The following CHST9 variants were observed in gnomAD, a reference collection of about 807,000 sequenced individuals.
The protein encoded by CHST9 is carbohydrate sulfotransferase 9.
CHST9 carries 41 observed loss-of-function variants against 44.4 expected under a neutral mutation model. The observed-to-expected ratio is 0.92, with a 90% CI of 0.72 to 1.20. The LOEUF is 1.20. Among genes scored for constraint, CHST9 ranks in the 50% most tolerant of loss-of-function variants. CHST9 has a pLI of 0.00. For missense variants in CHST9, 504 were observed against 516.5 expected, an observed-to-expected ratio of 0.98 and a Z score of 0.23; for synonymous variants, 171 against 178.4, an observed-to-expected ratio of 0.96 and a Z score of 0.33.
At chr18:26,988,732 A>G (rs74935484) in intron 4 of CHST9, among the ~76,000 whole-genome samples, 2,938 of 152,306 alleles carry the variant, frequency 0.019, 110 homozygotes, top group African/African-American at 0.067. Context: ...CAATAGGATA[A>G]TACACACTTT....
At chr18:26,961,021 T>C (rs2056392062) in intron 4 of CHST9, among the ~76,000 whole-genome samples, 1 of 152,218 alleles carries the variant, frequency 6.6e-6, no homozygotes, top group Non-Finnish European at 1.5e-5. Flanking sequence ...CATCGATACA[T>C]TCTTCACTCA....
At chr18:26,957,865 ATTTC>A (rs570819780) in intron 4 of CHST9, among the ~76,000 whole-genome samples, 75 of 151,916 alleles carry the variant, frequency 4.9e-4, no homozygotes, top group African/African-American at 1.6e-3. Context: ...CATTCTACTT[ATTTC>A]TTTCTTTCTT....
At chr18:27,003,746 A>G (rs897220738) in intron 4 of CHST9, among the ~76,000 whole-genome samples, 3 of 152,172 alleles carry the variant, frequency 2.0e-5, no homozygotes, top group Non-Finnish European at 4.4e-5. Context: ...TATCACATGG[A>G]CAAAAACAAG....
At chr18:27,062,621 A>G (rs1025667408) in intron 2 of CHST9, among the ~76,000 whole-genome samples, 1 of 152,154 alleles carries the variant, frequency 6.6e-6, no homozygotes. Flanking sequence ...CAATAAACAC[A>G]CGTATGCATG....
At chr18:27,034,258 A>G (rs777267695) in intron 3 of CHST9, among the ~76,000 whole-genome samples, 1 of 152,078 alleles carries the variant, frequency 6.6e-6, no homozygotes, top group Non-Finnish European at 1.5e-5. Flanking sequence ...CTGTTTTCGT[A>G]TCCTTCCACA....
At chr18:26,965,799 C>G (rs903575004) in intron 4 of CHST9, among the ~76,000 whole-genome samples, 1 of 152,160 alleles carries the variant, frequency 6.6e-6, no homozygotes, top group Non-Finnish European at 1.5e-5. Flanking sequence ...GCTGAATAAA[C>G]TCACAGAGAT....
chr18:26,940,115 T>C (rs2056061004), intron 5 of CHST9, among the ~76,000 whole-genome samples: 1 of 152,296 alleles, frequency 6.6e-6, no homozygotes, highest in Non-Finnish European at 1.5e-5. Flanking sequence ...GATTTCACTC[T>C]TTTTTTGGTC....
At chr18:27,129,753 A>G (rs990295675) in intron 2 of CHST9, among the ~76,000 whole-genome samples, 2 of 152,172 alleles carry the variant, frequency 1.3e-5, no homozygotes, top group African/African-American at 2.4e-5. Flanking sequence ...ATTGTTCCAA[A>G]GACATTGGTT....
chr18:26,996,003 T>A (rs1306878071), intron 4 of CHST9, among the ~76,000 whole-genome samples: 1 of 152,206 alleles, frequency 6.6e-6, no homozygotes, highest in Non-Finnish European at 1.5e-5. Context: ...TAATATGAAA[T>A]GCCCGTCTGG....
chr18:27,100,962 A>C (rs2143749587), intron 2 of CHST9, among the ~76,000 whole-genome samples: 1 of 152,312 alleles, frequency 6.6e-6, no homozygotes, highest in East Asian at 1.9e-4. Context: ...TTATCAGCCA[A>C]GTCAGTTACA....
chr18:26,960,356 T>A (rs569484925), intron 4 of CHST9, among the ~76,000 whole-genome samples: 1 of 152,340 alleles, frequency 6.6e-6, no homozygotes, highest in South Asian at 2.1e-4. Flanking sequence ...TTTTACATCA[T>A]CCATAGTGAA....
intron 4 of CHST9, among the ~76,000 whole-genome samples, chr18:26,993,222 G>A (rs371555297): frequency 6.2e-4 from 94 of 152,296 alleles, no homozygotes; most frequent in African/African-American, 2.1e-3. Flanking sequence ...AGCATGGCAG[G>A]TGTTAAATCT....
intron 2 of CHST9, among the ~76,000 whole-genome samples, chr18:27,133,584 A>G (rs2058489942): frequency 6.6e-6 from 1 of 152,192 alleles, no homozygotes; most frequent in South Asian, 2.1e-4. Flanking sequence ...TGACCAAAAT[A>G]CAAGTTTCCT....
At chr18:27,073,993 T>C (rs1049888441) in intron 2 of CHST9, among the ~76,000 whole-genome samples, 24 of 152,260 alleles carry the variant, frequency 1.6e-4, no homozygotes, top group African/African-American at 5.5e-4. Flanking sequence ...CTTTGATAAG[T>C]AGCAACAAAG....
chr18:27,002,060 C>G (rs2056959834), intron 4 of CHST9, among the ~76,000 whole-genome samples: 2 of 151,746 alleles, frequency 1.3e-5, no homozygotes, highest in African/African-American at 4.8e-5. Context: ...AAAAAAAAGG[C>G]ACATCCTTTG....
intron 4 of CHST9, among the ~76,000 whole-genome samples, chr18:27,001,431 T>C (rs1360718533): frequency 6.6e-6 from 1 of 152,188 alleles, no homozygotes; most frequent in Non-Finnish European, 1.5e-5. Flanking sequence ...ATAAAGAAGT[T>C]TGTTTTGCAA....
chr18:26,938,475 T>C (rs777130758), intron 5 of CHST9, among the ~76,000 whole-genome samples: 2 of 152,200 alleles, frequency 1.3e-5, no homozygotes, highest in Non-Finnish European at 2.9e-5. Flanking sequence ...ACTAGCTCCA[T>C]TAGTGCCAAA....
intron 2 of CHST9, among the ~76,000 whole-genome samples, chr18:27,114,351 T>C (rs1045067542): frequency 2.0e-5 from 3 of 152,238 alleles, no homozygotes; most frequent in African/African-American, 7.2e-5. Flanking sequence ...GAGGATTCTA[T>C]GAACTTCCTC....
At chr18:27,132,350 A>T (rs538480544) in intron 2 of CHST9, among the ~76,000 whole-genome samples, 19 of 152,348 alleles carry the variant, frequency 1.2e-4, no homozygotes, top group African/African-American at 4.6e-4. Flanking sequence ...TAAACTGCAG[A>T]TAACACATTT....
Sources: allele counts gnomAD v4.1 joint callset (sites outside exome capture counted in the v4.1 genomes callset), GRCh38; gene constraint gnomAD v4.1.1; transcripts MANE v1.5; gene names NCBI Gene and HGNC (gene_info 2026-07-23, HGNC 2026-07-21).